NTRK3: variants seen among roughly 807,000 people sequenced by gnomAD.
The protein encoded by NTRK3 is NT-3 growth factor receptor.
In NTRK3, 24 loss-of-function variants were observed where a neutral mutation model predicts 91.7. That is an observed-to-expected ratio of 0.26 (90% confidence interval 0.19 to 0.37). The LOEUF is 0.37. NTRK3 is among the 10% of genes least tolerant of loss of function. The pLI, the probability that NTRK3 is intolerant of heterozygous loss-of-function variation, is 1.00. For synonymous variants in NTRK3, 483 were observed against 404.0 expected (o/e 1.20, Z -2.34); for missense variants, 880 against 1,068.9 (o/e 0.82, Z 2.46).
intron 17 of NTRK3, chr15:87,908,592 A>C (rs2066909093): frequency 2.5e-6 from 1 of 399,274 alleles, no homozygotes; most frequent in African/African-American, 2.1e-5. Flanking sequence ...AGAGAGTGGG[A>C]AGGGGGAGAG....
intron 14 of NTRK3, among the ~76,000 whole-genome samples, chr15:88,030,148 T>C (rs1341548980): frequency 1.3e-5 from 2 of 152,314 alleles, no homozygotes; most frequent in East Asian, 3.9e-4. Flanking sequence ...TGATAAGGCA[T>C]TGTTTGTTTT....
exon 19 of NTRK3, chr15:87,862,339 T>G (rs2064551501): frequency 4.5e-6 from 1 of 224,682 alleles, no homozygotes; most frequent in East Asian, 6.4e-5. Flanking sequence ...CATTTATTCC[T>G]AAAAGAAACC....
chr15:88,139,640 G>A (rs2042195677), intron 6 of NTRK3, among the ~76,000 whole-genome samples: 1 of 151,836 alleles, frequency 6.6e-6, no homozygotes, highest in African/African-American at 2.4e-5. Context: ...AACCCTTACT[G>A]AGCATTTGCT....
At chr15:88,247,146 T>G (rs7174790) in intron 3 of NTRK3, among the ~76,000 whole-genome samples, 124,213 of 152,234 alleles carry the variant, frequency 0.82, 51,491 homozygotes, top group East Asian at 0.99. Flanking sequence ...CAGCCCTGTT[T>G]CCCGCGGCAG....
intron 3 of NTRK3, among the ~76,000 whole-genome samples, chr15:88,194,268 C>T (rs1597877998): frequency 6.6e-6 from 1 of 152,234 alleles, no homozygotes; most frequent in East Asian, 1.9e-4. Context: ...CCTGGGGCTC[C>T]TCTATTCACT....
At chr15:87,929,110 G>C (rs1567117875) in intron 17 of NTRK3, 81 bp downstream of exon 17, 1 of 1,606,586 alleles carries the variant, frequency 6.2e-7, no homozygotes, top group East Asian at 2.2e-5. Flanking sequence ...CAGAGTGACA[G>C]GGTTAATGGA....
At chr15:88,215,905 G>A (rs1252726739) in intron 3 of NTRK3, among the ~76,000 whole-genome samples, 1 of 152,146 alleles carries the variant, frequency 6.6e-6, no homozygotes, top group Non-Finnish European at 1.5e-5. Context: ...AGGCTCCCCA[G>A]GTTCTCCCTG....
At chr15:87,987,607 T>TTA (rs971819620) in intron 14 of NTRK3, among the ~76,000 whole-genome samples, 42 of 152,016 alleles carry the variant, frequency 2.8e-4, no homozygotes, top group African/African-American at 7.0e-4. Context: ...AAATTCTTTG[T>TTA]TATATATATA....
chr15:88,197,092 G>GAAA (rs2047888285), intron 3 of NTRK3, among the ~76,000 whole-genome samples: 1 of 15,570 alleles, frequency 6.4e-5, no homozygotes, highest in African/African-American at 1.2e-4. Context: ...GGTTGAGCAG[G>GAAA]ACAAAAAAAA....
chr15:88,022,982 G>C (rs941738563), intron 14 of NTRK3, among the ~76,000 whole-genome samples: 12 of 152,156 alleles, frequency 7.9e-5, no homozygotes, highest in African/African-American at 2.9e-4. Context: ...CTTTGAACTA[G>C]TTGGTTTTAG....
intron 17 of NTRK3, among the ~76,000 whole-genome samples, chr15:87,917,681 T>C (rs1431548117): frequency 2.0e-5 from 3 of 152,212 alleles, no homozygotes; most frequent in Non-Finnish European, 2.9e-5. Context: ...CCTGGTGCCA[T>C]TCTCCAGGTA....
intron 13 of NTRK3, among the ~76,000 whole-genome samples, chr15:88,111,810 T>C (rs2051389682): frequency 1.3e-5 from 2 of 152,110 alleles, no homozygotes; most frequent in Admixed American, 6.5e-5. Context: ...TGTCATAATA[T>C]GGATGGTAAC....
chr15:87,972,108 A>G (rs1033918076), intron 14 of NTRK3, among the ~76,000 whole-genome samples: 2 of 152,208 alleles, frequency 1.3e-5, no homozygotes, highest in Non-Finnish European at 2.9e-5. Flanking sequence ...TCACTGCAGA[A>G]TGAACTTGAG....
chr15:88,189,431 C>A (rs117402579), intron 3 of NTRK3, among the ~76,000 whole-genome samples: 1 of 130,866 alleles, frequency 7.6e-6, no homozygotes, highest in Non-Finnish European at 1.6e-5. Context: ...TTTTTTTTTT[C>A]TTTTTTTTTG....
intron 17 of NTRK3, among the ~76,000 whole-genome samples, chr15:87,895,312 A>C (rs1166411599): frequency 6.6e-6 from 1 of 152,216 alleles, no homozygotes; most frequent in Non-Finnish European, 1.5e-5. Context: ...AATCAGAAAT[A>C]TACAGATTGA....
At chr15:88,016,956 TAAAAAAAAAAAA>T (rs67163869) in intron 14 of NTRK3, among the ~76,000 whole-genome samples, 4 of 84,316 alleles carry the variant, frequency 4.7e-5, no homozygotes, top group Non-Finnish European at 6.7e-5. Context: ...AGACGAAGCT[TAAAAAAAAAAAA>T]AAAAAAAAAA....
chr15:87,939,776 C>T (rs1334058335), intron 15 of NTRK3, among the ~76,000 whole-genome samples: 8 of 152,210 alleles, frequency 5.3e-5, no homozygotes, highest in Admixed American at 3.3e-4. Context: ...AGAAGGGCTC[C>T]AGAGATCTGT....
intron 13 of NTRK3, among the ~76,000 whole-genome samples, chr15:88,089,626 G>A (rs2048825911): frequency 6.6e-6 from 1 of 152,164 alleles, no homozygotes; most frequent in Non-Finnish European, 1.5e-5. Flanking sequence ...AGGGCACCTT[G>A]GATGAATTCC....
intron 17 of NTRK3, among the ~76,000 whole-genome samples, chr15:87,923,194 C>A (rs2141855398): frequency 6.6e-6 from 1 of 152,340 alleles, no homozygotes; most frequent in Admixed American, 6.5e-5. Context: ...AGATTGCCAG[C>A]TATGAAGTAC....
Sources: gnomAD v4.1 joint callset for allele counts (sites outside exome capture counted in the v4.1 genomes callset) on GRCh38, gnomAD v4.1.1 for gene constraint, MANE v1.5 for transcripts, NCBI Gene and HGNC (gene_info 2026-07-23, HGNC 2026-07-21) for gene names.